Variants in OGFOD3 observed in about 807,000 individuals in gnomAD.
OGFOD3 encodes the protein 2-oxoglutarate and iron-dependent oxygenase domain-containing protein 3.
In OGFOD3, 35 loss-of-function variants were observed where a neutral mutation model predicts 39.8. The ratio of observed to expected loss-of-function variants is 0.88; its 90% confidence interval spans 0.67 to 1.17. The LOEUF (loss-of-function observed/expected upper bound fraction) is 1.17, where lower values mean the gene tolerates loss of function less well. OGFOD3 is among the 50% of genes most tolerant of loss of function. The probability of loss-of-function intolerance (pLI) is 0.00; values close to 1 mark genes in which losing one functional copy is unlikely to be tolerated. For synonymous variants in OGFOD3, 200 were observed against 192.0 expected, an observed-to-expected ratio of 1.04 and a Z score of -0.34; for missense variants, 438 against 454.5, an observed-to-expected ratio of 0.96 and a Z score of 0.33.
Position 82,404,080 on chromosome 17 carries a change from G to A in OGFOD3, c.556C>T (p.Gln186Ter). The change falls in exon 7 of 9, where the codon CAG becomes TAG. Residue 186 changes from glutamine to a stop codon, truncating the protein, a stop_gained. Transcript: ENST00000313056. LOFTEE classifies it high-confidence loss of function. The surrounding 1 kb of genome is among the most constrained non-coding windows in gnomAD (Gnocchi z 4.5). ...EDFRLYREVR[Q>*]KVQLTIAEAF... ...TCAGCAATGGTGAGCTGGACCTTCT[G>A]CCGCACCTCCCTGCAGAGGACACAA... The A allele has an allele frequency of 3.1e-6, 5 of 1,598,070 alleles. No homozygotes were observed. The highest frequency in any genetic ancestry group is 4.3e-6 in the Non-Finnish European group (5 of 1,171,250).
chr17:82,391,868 C>T lies in OGFOD3; in HGVS notation c.*530G>A, dbSNP rs1031733254. 6.3e-6 allele frequency: 1 copy of T among 157,576 alleles called. No individual in the cohort carries two copies. The highest frequency in any genetic ancestry group is 2.4e-5 in the African/African-American group (1 of 41,498). The allele number at this position is 157,576 out of a possible 1,614,324, so 9.8% of individuals were successfully genotyped here. A position where few individuals can be genotyped will look rare whatever the true frequency, so the allele number is the denominator to read the frequency against. On this transcript the variant is annotated 3_prime_UTR_variant, in exon 9 of 9. Transcript: ENST00000313056. The surrounding 1 kb of genome is among the most constrained non-coding windows in gnomAD (Gnocchi z 5.1). ...CTGTGGGAACGGCAGATGTTCACCT[C>T]CACCTGAATCCAGCAGAACTCCCAC... is the stretch of plus-strand genomic sequence containing the variant.
At chr17:82,408,072 G>T (rs1369103286) in intron 4 of OGFOD3, among the ~76,000 whole-genome samples, 1 of 152,198 alleles carries the variant, frequency 6.6e-6, no homozygotes, top group Non-Finnish European at 1.5e-5. Flanking sequence ...GAACCCAGGA[G>T]TTGGAGGTTG....
rs368711285 is a variant in OGFOD3 at position 82,398,180 on chromosome 17, C to G, written c.823+16G>C. On this transcript the variant is annotated intron_variant, in intron 8 of 8. Coordinates refer to ENST00000313056, the MANE Select transcript of OGFOD3 (RefSeq NM_024648.3). Reference sequence around the variant, plus strand: ...AGCCAGGAGCCCCACGCCCAGGCCCCGCCCGCGCCTCCTACCAGCTCTCGG... The same window carrying G: ...AGCCAGGAGCCCCACGCCCAGGCCCGGCCCGCGCCTCCTACCAGCTCTCGG... 1.9e-6 allele frequency: 3 copies of G among 1,613,730 alleles called. No homozygotes were observed. Among genetic ancestry groups the G allele is most frequent in the Non-Finnish European group, 2.5e-6 (3 of 1,179,892 alleles).
chr17:82,418,468 C>T lies in OGFOD3; in HGVS notation c.18G>A (p.Arg6=), dbSNP rs1188577049. The change falls in exon 1 of 9, where the codon AGG becomes AGA. Residue 6 remains arginine, a synonymous_variant. Coordinates refer to ENST00000313056, the MANE Select transcript of OGFOD3 (RefSeq NM_024648.3). The part of the protein sequence containing the change: MAPQR[R]AATKAPEGNG... Reference sequence around the variant, plus strand: ...TGCCCTCGGGCGCCTTGGTTGCGGCCCTCCGCTGAGGAGCCATCGGACCAG... The same window carrying T: ...TGCCCTCGGGCGCCTTGGTTGCGGCTCTCCGCTGAGGAGCCATCGGACCAG... 2 of 1,472,002 alleles carry T rather than the reference C, an allele frequency of 1.4e-6. No homozygotes were observed. Among genetic ancestry groups the T allele is most frequent in the Admixed American group, 4.6e-5 (2 of 43,252 alleles). 91.2% of individuals were successfully genotyped at this position (1,472,002 alleles called of 1,614,324 possible).
At chr17:82,403,912 T>C (rs2052808768) in intron 7 of OGFOD3, 25 bp downstream of exon 7, 1 of 1,586,326 alleles carries the variant, frequency 6.3e-7, no homozygotes, top group Admixed American at 1.7e-5. Context: ...ACGGGCACGC[T>C]CACCCTGCCC....
rs2143299863 is a variant in OGFOD3 at position 82,415,606 on chromosome 17, C to T, written c.96G>A (p.Pro32=). ...TCTGCCACAGCCTCTGCACCTCCCGCGGGGCTCGGTCCTTCTTGGTGCTGA... is the reference window on the plus strand; with the variant it reads ...TCTGCCACAGCCTCTGCACCTCCCGTGGGGCTCGGTCCTTCTTGGTGCTGA... The part of the protein sequence containing the change: ...NRSSTKKDRA[P]REVQRLWQRP... Residue 32 remains proline, a synonymous_variant, in exon 2 of 9, where the codon CCG becomes CCA. Transcript: ENST00000313056. This position sits in a 1 kb window ranked among gnomAD's most constrained non-coding sequence, Gnocchi z 5.3. The T allele has an allele frequency of 1.2e-6, 2 of 1,612,532 alleles. No homozygotes were observed. Among genetic ancestry groups the T allele is most frequent in the South Asian group, 1.1e-5 (1 of 91,012 alleles).
rs553131157 is a variant in OGFOD3 at position 82,409,580 on chromosome 17, C to T, written c.381-170G>A. On this transcript the variant is annotated intron_variant, in intron 3 of 8. Transcript: ENST00000313056. ...AGGACTCAACTTTCAAAGTTCAGTG[C>T]GTAAGCGACAATACTGCCATCGTTG... Among the ~76,000 whole-genome samples, 8 of 152,322 alleles carry T rather than the reference C, an allele frequency of 5.3e-5. No individual in the cohort carries two copies. The South Asian group carries it at 1.7e-3, about 32-fold the overall frequency.
Position 82,392,191 on chromosome 17 carries a change from G to T in OGFOD3, c.*207C>A. 1.6e-6 allele frequency: 1 copy of T among 643,440 alleles called. No individual in the cohort carries two copies. The allele number at this position is 643,440 out of a possible 1,614,324, so 39.9% of individuals were successfully genotyped here. ...TCCACCTCAGGCTCCCAGGCCTACA[G>T]CCCAAGCACACATGATGCTGGAGAA... On this transcript the variant is annotated 3_prime_UTR_variant, in exon 9 of 9. Coordinates refer to ENST00000313056, the MANE Select transcript of OGFOD3 (RefSeq NM_024648.3). The surrounding 1 kb of genome is among the most constrained non-coding windows in gnomAD (Gnocchi z 4.2).
Position 82,404,107 on chromosome 17 carries a change from A to C in OGFOD3, c.546-17T>G. The C allele has an allele frequency of 6.4e-7, 1 of 1,565,640 alleles. No individual in the cohort carries two copies. The highest frequency in any genetic ancestry group is 8.7e-7 in the Non-Finnish European group (1 of 1,152,712). ...CGCACCTCCCTGCAGAGGACACAAT[A>C]GCCGTCAGCGCAGCCCCAGGCGGGA... On this transcript the variant is annotated splice_polypyrimidine_tract_variant and intron_variant, in intron 6 of 8. Coordinates refer to ENST00000313056, the MANE Select transcript of OGFOD3 (RefSeq NM_024648.3). This position sits in a 1 kb window ranked among gnomAD's most constrained non-coding sequence, Gnocchi z 4.5.
intron 4 of OGFOD3, among the ~76,000 whole-genome samples, chr17:82,408,672 C>T (rs1329827251): frequency 6.6e-6 from 1 of 152,174 alleles, no homozygotes; most frequent in Non-Finnish European, 1.5e-5. Context: ...TCTCTGCCTC[C>T]ATCATCACAG....
intron 7 of OGFOD3, among the ~76,000 whole-genome samples, chr17:82,398,668 G>C (rs547418875): frequency 1.3e-3 from 204 of 151,986 alleles, no homozygotes; most frequent in Non-Finnish European, 2.5e-3. Context: ...CAAAGTGCTG[G>C]GATTACGGGC....
chr17:82,395,576 C>A (rs974646951), intron 8 of OGFOD3, among the ~76,000 whole-genome samples: 8 of 152,144 alleles, frequency 5.3e-5, no homozygotes, highest in African/African-American at 1.9e-4. Context: ...CATCCCAGCA[C>A]TTTGGGAGGC....
At chr17:82,397,566 T>A (rs1245599426) in intron 8 of OGFOD3, among the ~76,000 whole-genome samples, 3 of 152,002 alleles carry the variant, frequency 2.0e-5, no homozygotes, top group Admixed American at 6.5e-5. Context: ...GGTTCCCCAC[T>A]CCCCACACCC....
intron 2 of OGFOD3, among the ~76,000 whole-genome samples, chr17:82,413,321 G>A (rs1258668724): frequency 1.9e-4 from 29 of 152,306 alleles, no homozygotes; most frequent in Middle Eastern, 3.4e-3. Flanking sequence ...AGGGGCAGCA[G>A]ACAGCAGACA....
chr17:82,394,550 A>C, intron 8 of OGFOD3: 1 of 1,603,576 alleles, frequency 6.2e-7, no homozygotes, highest in Non-Finnish European at 8.5e-7. Context: ...CATCCTGGGG[A>C]CACAGGACAG....
intron 1 of OGFOD3, among the ~76,000 whole-genome samples, chr17:82,417,043 T>G (rs1221764481): frequency 1.3e-5 from 2 of 152,166 alleles, no homozygotes; most frequent in Non-Finnish European, 2.9e-5. Context: ...TTTCAGAAAA[T>G]GTACAAGTTT....
intron 4 of OGFOD3, 39 bp downstream of exon 4, chr17:82,409,329 C>T (rs199683954): frequency 4.1e-5 from 66 of 1,605,360 alleles, no homozygotes; most frequent in African/African-American, 5.3e-5. Context: ...GCAAAGTTAA[C>T]GGGTAAAAAA....
chr17:82,405,159 C>A (rs554916981), intron 6 of OGFOD3, among the ~76,000 whole-genome samples, 165 bp downstream of exon 6: 1 of 152,208 alleles, frequency 6.6e-6, no homozygotes, highest in African/African-American at 2.4e-5. Flanking sequence ...ATCCTGGCCA[C>A]GCTGGGCCTG....
intron 4 of OGFOD3, among the ~76,000 whole-genome samples, chr17:82,408,713 C>T (rs1391544680): frequency 6.6e-6 from 1 of 152,236 alleles, no homozygotes; most frequent in African/African-American, 2.4e-5. Context: ...CAAATCTCCC[C>T]CTGCCTCTGT....
Sources: gnomAD v4.1 joint callset for allele counts (sites outside exome capture counted in the v4.1 genomes callset) on GRCh38, gnomAD v4.1.1 for gene constraint, Gnocchi (gnomAD v3.1) non-coding constraint, MANE v1.5 for transcripts, NCBI Gene and HGNC (gene_info 2026-07-23, HGNC 2026-07-21) for gene names.